The following COMMD1 variants were observed in gnomAD, a reference collection of about 807,000 sequenced individuals.
The protein encoded by COMMD1 is copper metabolism domain containing 1, also known as COMM domain-containing protein 1.
In COMMD1, 10 loss-of-function variants were observed where a neutral mutation model predicts 17.2. That is an observed-to-expected ratio of 0.58 (90% CI 0.36 to 0.99). The LOEUF is 0.99. COMMD1 is among the 50% of genes least tolerant of loss of function. The pLI is 0.01. For missense variants in COMMD1, 270 were observed against 231.8 expected, an observed-to-expected ratio of 1.17 and a Z score of -1.07; for synonymous variants, 97 against 91.6, an observed-to-expected ratio of 1.06 and a Z score of -0.34.
chr2:62,042,963 A>T (rs578021277), intron 2 of COMMD1, among the ~76,000 whole-genome samples: 2 of 152,206 alleles, frequency 1.3e-5, no homozygotes, highest in South Asian at 4.1e-4. Flanking sequence ...CTTCAAACCT[A>T]TTTTTTCTGT....
intron 1 of COMMD1, among the ~76,000 whole-genome samples, chr2:61,929,362 A>T (rs1030675553): frequency 6.6e-6 from 1 of 152,146 alleles, no homozygotes; most frequent in Non-Finnish European, 1.5e-5. Flanking sequence ...AGTTAATTTC[A>T]TCTTGCTATC....
At chr2:62,116,943 C>T (rs140366628) in intron 2 of COMMD1, among the ~76,000 whole-genome samples, 26 of 149,522 alleles carry the variant, frequency 1.7e-4, no homozygotes, top group African/African-American at 5.9e-4. Flanking sequence ...TGTGGTGAGC[C>T]GAGATCGCAC....
At chr2:62,037,066 T>G (rs1670059136) in intron 2 of COMMD1, among the ~76,000 whole-genome samples, 1 of 152,224 alleles carries the variant, frequency 6.6e-6, no homozygotes. Flanking sequence ...CAACAGTGTA[T>G]GCTCTTTACC....
intron 2 of COMMD1, among the ~76,000 whole-genome samples, chr2:62,046,837 A>G (rs966524019): frequency 4.6e-5 from 7 of 152,262 alleles, no homozygotes; most frequent in African/African-American, 1.7e-4. Flanking sequence ...GAACTAATAC[A>G]TGATTTACAA....
chr2:61,992,651 G>A (rs1055012527), intron 1 of COMMD1, among the ~76,000 whole-genome samples: 2 of 152,144 alleles, frequency 1.3e-5, no homozygotes, highest in Non-Finnish European at 2.9e-5. Flanking sequence ...GAAGGATGCC[G>A]AACATCCCTA....
chr2:61,914,595 G>A (rs371910940), intron 1 of COMMD1, among the ~76,000 whole-genome samples: 43 of 152,146 alleles, frequency 2.8e-4, no homozygotes, highest in Non-Finnish European at 5.7e-4. Context: ...GTAATAAGAT[G>A]TTAAGAATGA....
intron 2 of COMMD1, among the ~76,000 whole-genome samples, chr2:62,108,951 C>A (rs909931456): frequency 1.3e-5 from 2 of 152,184 alleles, no homozygotes; most frequent in African/African-American, 2.4e-5. Flanking sequence ...GTTATTATCC[C>A]TTTAGATGAT....
At chr2:61,917,991 G>A (rs1450023264) in intron 1 of COMMD1, among the ~76,000 whole-genome samples, 1 of 152,158 alleles carries the variant, frequency 6.6e-6, no homozygotes, top group African/African-American at 2.4e-5. Flanking sequence ...TTTGTATTCT[G>A]TCTACATCCT....
intron 2 of COMMD1, among the ~76,000 whole-genome samples, chr2:62,017,124 C>T (rs1669471092): frequency 6.6e-6 from 1 of 152,172 alleles, no homozygotes. Context: ...ATAAGCTAAA[C>T]TTCCTTTTTA....
intron 1 of COMMD1, among the ~76,000 whole-genome samples, chr2:61,918,401 C>T (rs79095095): frequency 0.079 from 11,967 of 152,066 alleles, 699 homozygotes; most frequent in Non-Finnish European, 0.11. Flanking sequence ...TTTTATAACA[C>T]TGGACGTCAT....
intron 2 of COMMD1, among the ~76,000 whole-genome samples, chr2:62,043,466 C>T (rs1003305155): frequency 5.3e-5 from 8 of 152,042 alleles, no homozygotes; most frequent in Non-Finnish European, 2.9e-5. Context: ...GCCACCAAGC[C>T]CAGCCAGGTC....
intron 2 of COMMD1, among the ~76,000 whole-genome samples, chr2:62,094,521 G>A (rs1443490877): frequency 6.6e-6 from 1 of 152,146 alleles, no homozygotes; most frequent in Non-Finnish European, 1.5e-5. Context: ...TATTTCAAAA[G>A]CATGAGGGGA....
intron 2 of COMMD1, among the ~76,000 whole-genome samples, chr2:62,087,230 C>A (rs773278002): frequency 6.6e-6 from 1 of 152,142 alleles, no homozygotes; most frequent in African/African-American, 2.4e-5. Flanking sequence ...TGAAATTCTT[C>A]ATAATTTTTG....
chr2:62,044,294 G>C (rs990754370), intron 2 of COMMD1, among the ~76,000 whole-genome samples: 1 of 152,122 alleles, frequency 6.6e-6, no homozygotes, highest in African/African-American at 2.4e-5. Flanking sequence ...TCTTCATTCT[G>C]CTCAGTTAGT....
At chr2:61,931,287 G>C (rs2105208789) in intron 1 of COMMD1, among the ~76,000 whole-genome samples, 1 of 152,202 alleles carries the variant, frequency 6.6e-6, no homozygotes, top group East Asian at 1.9e-4. Flanking sequence ...ACTCCAACCT[G>C]GGTAACAGAG....
At chr2:62,075,713 C>T (rs1671320699) in intron 2 of COMMD1, among the ~76,000 whole-genome samples, 2 of 152,210 alleles carry the variant, frequency 1.3e-5, no homozygotes, top group Admixed American at 6.5e-5. Context: ...CCACCCCGTT[C>T]TGAGAGCTAC....
chr2:61,905,947 C>T, intron 1 of COMMD1, 89 bp downstream of exon 1: 3 of 1,345,518 alleles, frequency 2.2e-6, no homozygotes, highest in Non-Finnish European at 3.2e-6. Flanking sequence ...CCCCTGTCCT[C>T]ACAAGCCGAA....
intron 1 of COMMD1, among the ~76,000 whole-genome samples, chr2:61,950,916 A>T (rs1013860704): frequency 3.9e-5 from 6 of 152,228 alleles, no homozygotes; most frequent in African/African-American, 1.4e-4. Flanking sequence ...TCAGTTCTTC[A>T]CTGACCATGG....
At chr2:61,928,887 A>C (rs887942109) in intron 1 of COMMD1, among the ~76,000 whole-genome samples, 2 of 152,214 alleles carry the variant, frequency 1.3e-5, no homozygotes, top group Admixed American at 6.5e-5. Context: ...TACTAGAGAA[A>C]ACTATGTCTA....
Sources: gnomAD v4.1 joint callset for allele counts (sites outside exome capture counted in the v4.1 genomes callset) on GRCh38, gnomAD v4.1.1 for gene constraint, MANE v1.5 for transcripts, NCBI Gene and HGNC (gene_info 2026-07-23, HGNC 2026-07-21) for gene names.